The following MAP3K5 variants were observed in gnomAD, a reference collection of about 807,000 sequenced individuals.
MAP3K5 encodes the protein mitogen-activated protein kinase kinase kinase 5, also known as ASK-1.
Under a neutral mutation model 158.7 loss-of-function variants are expected in MAP3K5, and 56 were observed. The ratio of observed to expected loss-of-function variants is 0.35; its 90% confidence interval spans 0.28 to 0.44. MAP3K5 has a LOEUF of 0.44. MAP3K5 is among the 20% of genes least tolerant of loss of function. The pLI, the probability that MAP3K5 is intolerant of heterozygous loss-of-function variation, is 1.00. For missense variants in MAP3K5, 1,294 were observed against 1,674.8 expected, an observed-to-expected ratio of 0.77 and a Z score of 3.97; for synonymous variants, 579 against 601.7, an observed-to-expected ratio of 0.96 and a Z score of 0.55.
At chr6:136,699,056 C>T (rs1335794927) in intron 3 of MAP3K5, among the ~76,000 whole-genome samples, 1 of 152,124 alleles carries the variant, frequency 6.6e-6, no homozygotes, top group Admixed American at 6.6e-5. Flanking sequence ...TATGAAAATG[C>T]TACAAGCTCA....
intron 1 of MAP3K5, among the ~76,000 whole-genome samples, chr6:136,788,784 A>C (rs1291763904): frequency 6.6e-6 from 1 of 152,224 alleles, no homozygotes; most frequent in Non-Finnish European, 1.5e-5. Flanking sequence ...AAAAGGGAAC[A>C]CTTACACACT....
At chr6:136,774,865 T>A (rs1393384090) in intron 1 of MAP3K5, among the ~76,000 whole-genome samples, 3 of 152,244 alleles carry the variant, frequency 2.0e-5, no homozygotes, top group African/African-American at 7.2e-5. Flanking sequence ...AACCAGAAAC[T>A]GCTCCTTGTT....
intron 20 of MAP3K5, among the ~76,000 whole-genome samples, chr6:136,601,377 AC>A (rs1424998642): frequency 6.6e-6 from 1 of 152,154 alleles, no homozygotes; most frequent in Admixed American, 6.5e-5. Context: ...CTAAGAGGCA[AC>A]AGGTATTTTC....
intron 1 of MAP3K5, among the ~76,000 whole-genome samples, chr6:136,765,488 T>A (rs1783923458): frequency 6.6e-6 from 1 of 151,496 alleles, no homozygotes; most frequent in African/African-American, 2.4e-5. Context: ...GTATTTATTT[T>A]TTATTTGTTT....
intron 11 of MAP3K5, among the ~76,000 whole-genome samples, chr6:136,643,455 T>C (rs1344013363): frequency 1.3e-5 from 2 of 152,196 alleles, no homozygotes; most frequent in Non-Finnish European, 2.9e-5. Flanking sequence ...AAAACAACCA[T>C]GAAAAGGAGT....
chr6:136,559,435 T>C (rs549526483), intron 28 of MAP3K5, among the ~76,000 whole-genome samples: 93 of 152,272 alleles, frequency 6.1e-4, no homozygotes, highest in African/African-American at 2.1e-3. Context: ...AGATTACAAG[T>C]GACACAGAAC....
chr6:136,604,192 T>C (rs770472851), intron 19 of MAP3K5, among the ~76,000 whole-genome samples: 12 of 152,008 alleles, frequency 7.9e-5, no homozygotes, highest in Non-Finnish European at 1.3e-4. Context: ...TGTCATGGTG[T>C]GTGCCTGCAA....
At chr6:136,612,428 T>C (rs1406538472) in intron 17 of MAP3K5, among the ~76,000 whole-genome samples, 1 of 152,206 alleles carries the variant, frequency 6.6e-6, no homozygotes, top group African/African-American at 2.4e-5. Context: ...ATTACGATTT[T>C]CATAACTTTC....
In MAP3K5 at chr6:136,557,472, AT is replaced by A; in HGVS notation, c.*285del. 1 of 290,524 alleles carries A rather than the reference AT, an allele frequency of 3.4e-6. No homozygotes were observed. Among genetic ancestry groups the A allele is most frequent in the Non-Finnish European group, 6.4e-6 (1 of 156,004 alleles). The allele number at this position is 290,524 out of a possible 1,614,324, so 18.0% of individuals were successfully genotyped here. On this transcript the variant is annotated 3_prime_UTR_variant, in exon 30 of 30. Transcript: ENST00000359015. ...AAGTGCAATAGCTGCTGCATTAAAA[AT>A]ATTTCCATAAAAATGCTTAGATTAA... is the stretch of plus-strand genomic sequence containing the variant.
chr6:136,578,964 G>T (rs1774743061), intron 25 of MAP3K5, among the ~76,000 whole-genome samples: 1 of 151,286 alleles, frequency 6.6e-6, no homozygotes, highest in African/African-American at 2.4e-5. Context: ...TGAGCCCAGG[G>T]GTTTGAGACT....
chr6:136,679,290 G>A (rs1229787727), intron 7 of MAP3K5, among the ~76,000 whole-genome samples: 1 of 152,152 alleles, frequency 6.6e-6, no homozygotes, highest in Non-Finnish European at 1.5e-5. Flanking sequence ...AATATTCTTG[G>A]ACTGATCATT....
chr6:136,640,743 C>T (rs1250625677), intron 12 of MAP3K5, among the ~76,000 whole-genome samples: 2 of 152,196 alleles, frequency 1.3e-5, no homozygotes, highest in Non-Finnish European at 2.9e-5. Context: ...ACAGCTCATG[C>T]TCAGTTAATG....
At chr6:136,727,773 A>T (rs936540225) in intron 1 of MAP3K5, among the ~76,000 whole-genome samples, 16 of 150,954 alleles carry the variant, frequency 1.1e-4, no homozygotes, top group Non-Finnish European at 2.2e-4. Context: ...ATCCTGGCTA[A>T]CACGGTGAAA....
intron 14 of MAP3K5, among the ~76,000 whole-genome samples, chr6:136,628,105 A>T (rs1224255053): frequency 6.6e-6 from 1 of 151,938 alleles, no homozygotes; most frequent in Non-Finnish European, 1.5e-5. Context: ...TTTCCAATAG[A>T]TATATTTAAA....
At chr6:136,753,368 TG>T (rs1196541674) in intron 1 of MAP3K5, among the ~76,000 whole-genome samples, 1 of 152,188 alleles carries the variant, frequency 6.6e-6, no homozygotes, top group Non-Finnish European at 1.5e-5. Context: ...ATGGTGTTGA[TG>T]AAAACACCTT....
chr6:136,767,952 G>A (rs1784031063), intron 1 of MAP3K5, among the ~76,000 whole-genome samples: 1 of 152,144 alleles, frequency 6.6e-6, no homozygotes, highest in African/African-American at 2.4e-5. Context: ...AAAATCCAAT[G>A]GCAAAAGAAT....
chr6:136,659,302 A>G lies in MAP3K5; in HGVS notation c.1443T>C (p.Phe481=), dbSNP rs1422740132. 2 of 1,614,042 alleles carry G rather than the reference A, an allele frequency of 1.2e-6. No homozygotes were observed. Among genetic ancestry groups the G allele is most frequent in the African/African-American group, 2.7e-5 (2 of 74,928 alleles). The change falls in exon 9 of 30, where the codon TTT becomes TTC. Residue 481 remains phenylalanine (F), a synonymous_variant. Coordinates refer to ENST00000359015, the MANE Select transcript of MAP3K5 (RefSeq NM_005923.4). ...KLQSYWEVGF[F]LGASVLANDH... is the part of the protein sequence containing the mutation. ...CATTGGCTAGGACGCTGGCCCCCAG[A>G]AAAAATCCAACTTCCCAGTAGCTCT...
At position 136,792,381 on chromosome 6, in the gene MAP3K5, C is replaced by A; in HGVS notation, c.-224G>T. On this transcript the variant is annotated 5_prime_UTR_variant, in exon 1 of 30. Coordinates refer to ENST00000359015, the MANE Select transcript of MAP3K5 (RefSeq NM_005923.4). This position sits in a 1 kb window ranked among gnomAD's most constrained non-coding sequence, Gnocchi z 5.7. ...CCTCGGCGCCTCCGTGGCCGCGCCG[C>A]TCGCCCTCTGCAGAGTTTAGAGTAC... The A allele has an allele frequency of 1.0e-6, 1 of 998,752 alleles. No homozygotes were observed. The highest frequency in any genetic ancestry group is 1.2e-6 in the Non-Finnish European group (1 of 840,106). The allele number at this position is 998,752 out of a possible 1,614,324, so 61.9% of individuals were successfully genotyped here. A position where few individuals can be genotyped will look rare whatever the true frequency, so the allele number is the denominator to read the frequency against.
chr6:136,558,101 G>A (rs896536082), intron 29 of MAP3K5, among the ~76,000 whole-genome samples: 6 of 152,136 alleles, frequency 3.9e-5, no homozygotes, highest in African/African-American at 1.4e-4. Context: ...TGCTTGGGCT[G>A]GGCGCGGTGG....
Sources: gnomAD v4.1 joint callset for allele counts (sites outside exome capture counted in the v4.1 genomes callset) on GRCh38, gnomAD v4.1.1 for gene constraint, Gnocchi (gnomAD v3.1) non-coding constraint, MANE v1.5 for transcripts, NCBI Gene and HGNC (gene_info 2026-07-23, HGNC 2026-07-21) for gene names.